The following RASEF variants were observed in gnomAD, a reference collection of about 807,000 sequenced individuals.
The protein encoded by RASEF is ras and EF-hand domain-containing protein.
Under a neutral mutation model 90.1 loss-of-function variants are expected in RASEF, and 68 were observed. The observed-to-expected ratio is 0.75, with a 90% CI of 0.62 to 0.92. The LOEUF is 0.92. Among genes scored for constraint, RASEF ranks in the 40% least tolerant of loss-of-function variants. The pLI, the probability that RASEF is intolerant of heterozygous loss-of-function variation, is 0.00. For missense variants in RASEF, 949 were observed against 937.2 expected, an observed-to-expected ratio of 1.01 and a Z score of -0.16; for synonymous variants, 331 against 345.2, an observed-to-expected ratio of 0.96 and a Z score of 0.46.
chr9:83,099,848 G>A, the RASEF span, among the ~76,000 whole-genome samples: 50 of 152,302 alleles, frequency 3.3e-4, no homozygotes, highest in African/African-American at 1.2e-3. Flanking sequence ...AAAATCAAGA[G>A]AGTCATGGAA....
intron 1 of RASEF, among the ~76,000 whole-genome samples, chr9:83,041,984 G>A (rs1284621795): frequency 6.6e-6 from 1 of 152,056 alleles, no homozygotes; most frequent in Non-Finnish European, 1.5e-5. Flanking sequence ...TCCCTTAATT[G>A]AGTCATCATC....
intron 9 of RASEF, 55 bp downstream of exon 9, chr9:83,004,443 T>G: frequency 1.9e-6 from 2 of 1,037,568 alleles, no homozygotes; most frequent in South Asian, 1.4e-5. Context: ...GAAATTTACT[T>G]TCCTTTTAAC....
the RASEF span, among the ~76,000 whole-genome samples, chr9:83,181,659 G>A: frequency 2.0e-5 from 3 of 152,110 alleles, no homozygotes; most frequent in Admixed American, 6.6e-5. Flanking sequence ...AGGATAAAAA[G>A]AGCAGGCATT....
At chr9:83,170,265 A>C in the RASEF span, among the ~76,000 whole-genome samples, 3 of 151,870 alleles carry the variant, frequency 2.0e-5, no homozygotes, top group Non-Finnish European at 4.4e-5. Flanking sequence ...TGGGATTTCT[A>C]TTCTGTTGCA....
chr9:82,987,332 A>G (rs569495316), intron 16 of RASEF, among the ~76,000 whole-genome samples: 1 of 152,366 alleles, frequency 6.6e-6, no homozygotes, highest in Non-Finnish European at 1.5e-5. Flanking sequence ...ATGCAATAAC[A>G]ATAAAACAAA....
the RASEF span, among the ~76,000 whole-genome samples, chr9:83,151,806 C>T: frequency 0.17 from 25,365 of 152,098 alleles, 2,309 homozygotes; most frequent in Non-Finnish European, 0.21. Flanking sequence ...TTCCTACAGA[C>T]GTCAGTCTCT....
intron 1 of RASEF, among the ~76,000 whole-genome samples, chr9:83,037,962 T>C (rs1010274963): frequency 2.6e-5 from 4 of 152,062 alleles, no homozygotes; most frequent in Non-Finnish European, 5.9e-5. Flanking sequence ...AGAGTTCAAA[T>C]GTACAAATGA....
the RASEF span, among the ~76,000 whole-genome samples, chr9:83,132,602 C>G: frequency 6.6e-6 from 1 of 152,144 alleles, no homozygotes; most frequent in Non-Finnish European, 1.5e-5. Context: ...TAGGTTAAAC[C>G]AAACTCTATA....
At chr9:82,997,161 G>A (rs372748129) in intron 13 of RASEF, 35 bp from the exon 14 acceptor site, 1 of 1,294,734 alleles carries the variant, frequency 7.7e-7, no homozygotes, top group South Asian at 1.2e-5. Flanking sequence ...CAGTCAGTTT[G>A]TGTTGCCTCA....
At chr9:83,098,405 G>A in the RASEF span, among the ~76,000 whole-genome samples, 4 of 151,996 alleles carry the variant, frequency 2.6e-5, no homozygotes, top group Non-Finnish European at 4.4e-5. Context: ...TTAATCCCAC[G>A]ATTTTATGTG....
chr9:83,011,280 T>A (rs1829237459), intron 5 of RASEF, among the ~76,000 whole-genome samples: 1 of 152,088 alleles, frequency 6.6e-6, no homozygotes, highest in African/African-American at 2.4e-5. Flanking sequence ...TTTTGCCAGG[T>A]GCGGTGGCTC....
chr9:83,003,753 A>G (rs1829079644), intron 9 of RASEF, among the ~76,000 whole-genome samples: 1 of 152,190 alleles, frequency 6.6e-6, no homozygotes, highest in Non-Finnish European at 1.5e-5. Flanking sequence ...AAAGTACCCA[A>G]ATGAAAAGGG....
the RASEF span, among the ~76,000 whole-genome samples, chr9:83,206,272 G>C: frequency 6.6e-6 from 1 of 152,016 alleles, no homozygotes; most frequent in East Asian, 1.9e-4. Flanking sequence ...TCCTAATCTG[G>C]GTTTATTCTA....
chr9:83,170,304 T>G, the RASEF span, among the ~76,000 whole-genome samples: 1 of 152,066 alleles, frequency 6.6e-6, no homozygotes, highest in African/African-American at 2.4e-5. Context: ...TCTGTGCCAG[T>G]GCCATGCTGT....
intron 7 of RASEF, among the ~76,000 whole-genome samples, chr9:83,007,004 G>A (rs1437374055): frequency 6.7e-6 from 1 of 149,810 alleles, no homozygotes; most frequent in African/African-American, 2.5e-5. Context: ...TGAGGCAGAA[G>A]AATGGCATGA....
At chr9:83,178,273 T>C in the RASEF span, among the ~76,000 whole-genome samples, 2 of 152,210 alleles carry the variant, frequency 1.3e-5, no homozygotes, top group Non-Finnish European at 2.9e-5. Context: ...CCCAAGGTAC[T>C]ATGCAGACAC....
intron 13 of RASEF, among the ~76,000 whole-genome samples, chr9:82,997,924 G>A (rs1367388345): frequency 6.6e-6 from 1 of 152,118 alleles, no homozygotes; most frequent in African/African-American, 2.4e-5. Flanking sequence ...TCTGCTTATC[G>A]GTAATGAATG....
At chr9:83,111,678 T>C in the RASEF span, among the ~76,000 whole-genome samples, 2 of 152,090 alleles carry the variant, frequency 1.3e-5, no homozygotes, top group African/African-American at 4.8e-5. Flanking sequence ...CATACAATTG[T>C]CATTTTTTTT....
the RASEF span, among the ~76,000 whole-genome samples, chr9:83,092,489 G>A: frequency 1.0e-3 from 158 of 151,720 alleles, 1 homozygote; most frequent in African/African-American, 3.5e-3. Flanking sequence ...CAGCTCTTAG[G>A]GCGGCGCGTC....
Sources: gnomAD v4.1 joint callset for allele counts (sites outside exome capture counted in the v4.1 genomes callset) on GRCh38, gnomAD v4.1.1 for gene constraint, MANE v1.5 for transcripts, NCBI Gene and HGNC (gene_info 2026-07-23, HGNC 2026-07-21) for gene names.